USH2A: variants seen among roughly 807,000 people sequenced by gnomAD.
USH2A encodes the protein Usher syndrome 2A (autosomal recessive, mild).
Under a neutral mutation model 538.9 loss-of-function variants are expected in USH2A, and 443 were observed. That is an observed-to-expected ratio of 0.82 (90% confidence interval 0.76 to 0.89). The LOEUF (loss-of-function observed/expected upper bound fraction) is 0.89. Among genes scored for constraint, USH2A ranks in the 40% least tolerant of loss-of-function variants. The pLI is 0.00. For missense variants in USH2A, 6,633 were observed against 6,324.8 expected (o/e 1.05, Z -1.65); for synonymous variants, 2,413 against 2,273.5 (o/e 1.06, Z -1.75).
chr1:216,363,271 C>A (rs919479092), intron 4 of USH2A, among the ~76,000 whole-genome samples: 2 of 152,040 alleles, frequency 1.3e-5, no homozygotes, highest in African/African-American at 4.8e-5. Flanking sequence ...CTAATACATG[C>A]CAGGTGCTTG....
intron 47 of USH2A, among the ~76,000 whole-genome samples, chr1:215,836,541 TAATATATATATATATATATATA>T (rs1571733528): frequency 1.3e-4 from 3 of 23,718 alleles, no homozygotes; most frequent in African/African-American, 3.1e-4. Flanking sequence ...TATATATATA[TAATATATATATATATATATATA>T]TATTTTTTTT....
intron 20 of USH2A, among the ~76,000 whole-genome samples, chr1:216,183,084 T>A (rs570971866): frequency 1.3e-5 from 2 of 152,210 alleles, no homozygotes; most frequent in East Asian, 3.9e-4. Context: ...GCCACTTTCT[T>A]ACCCTGCTAA....
At chr1:216,260,175 G>T (rs2036341315) in intron 11 of USH2A, among the ~76,000 whole-genome samples, 1 of 151,960 alleles carries the variant, frequency 6.6e-6, no homozygotes, top group East Asian at 1.9e-4. Flanking sequence ...GGCCAGCAGA[G>T]AAATCAATAG....
intron 9 of USH2A, among the ~76,000 whole-genome samples, chr1:216,309,265 C>A (rs921931083): frequency 6.6e-6 from 1 of 152,130 alleles, no homozygotes; most frequent in Non-Finnish European, 1.5e-5. Flanking sequence ...TTATACATTT[C>A]TAAATCATTT....
intron 32 of USH2A, among the ~76,000 whole-genome samples, chr1:216,032,667 C>T (rs1183855606): frequency 6.6e-6 from 1 of 152,138 alleles, no homozygotes; most frequent in East Asian, 1.9e-4. Flanking sequence ...TTTTCTCCAG[C>T]TGGAGGCAAA....
chr1:215,640,508 C>T (rs1393817011), intron 68 of USH2A, 50 bp downstream of exon 68: 1 of 1,610,620 alleles, frequency 6.2e-7, no homozygotes, highest in East Asian at 2.2e-5. Context: ...TCCCGTAAAG[C>T]TGGGGAACAG....
At chr1:215,945,432 A>G (rs1414238687) in intron 37 of USH2A, among the ~76,000 whole-genome samples, 2 of 152,154 alleles carry the variant, frequency 1.3e-5, no homozygotes, top group Non-Finnish European at 2.9e-5. Context: ...AAAATAAATA[A>G]TATCTTTGTC....
intron 34 of USH2A, among the ~76,000 whole-genome samples, chr1:215,998,287 A>G (rs1668184436): frequency 6.6e-6 from 1 of 152,130 alleles, no homozygotes; most frequent in Admixed American, 6.5e-5. Flanking sequence ...CCACAGTAAT[A>G]TCAAGGTCTT....
chr1:216,360,470 G>A (rs1410809321), intron 4 of USH2A, among the ~76,000 whole-genome samples: 1 of 152,060 alleles, frequency 6.6e-6, no homozygotes, highest in Non-Finnish European at 1.5e-5. Context: ...TAGGATACTG[G>A]AGTAGTGGAT....
chr1:215,843,432 A>G (rs1316955209), intron 46 of USH2A, among the ~76,000 whole-genome samples: 2 of 152,130 alleles, frequency 1.3e-5, no homozygotes, highest in African/African-American at 4.8e-5. Flanking sequence ...TTCCGTGAAG[A>G]TAAGTTCCTT....
chr1:215,826,308 C>T (rs1663152795), intron 47 of USH2A, among the ~76,000 whole-genome samples: 1 of 152,174 alleles, frequency 6.6e-6, no homozygotes, highest in African/African-American at 2.4e-5. Context: ...GGGCAACACT[C>T]GTGTGAGGGA....
intron 58 of USH2A, among the ~76,000 whole-genome samples, chr1:215,756,577 T>C (rs1660799798): frequency 6.6e-6 from 1 of 152,150 alleles, no homozygotes; most frequent in Non-Finnish European, 1.5e-5. Context: ...CAGCTTCATT[T>C]TATTTTGTGG....
intron 4 of USH2A, among the ~76,000 whole-genome samples, chr1:216,349,119 C>T (rs192709030): frequency 1.0e-3 from 153 of 152,196 alleles, no homozygotes; most frequent in African/African-American, 2.3e-3. Context: ...TATTAATCTT[C>T]CAGGTATCAA....
intron 3 of USH2A, among the ~76,000 whole-genome samples, chr1:216,386,742 C>A (rs1455110068): frequency 6.6e-6 from 1 of 150,770 alleles, no homozygotes; most frequent in Non-Finnish European, 1.5e-5. Flanking sequence ...GTAGTCCCAG[C>A]CACTCGGGAG....
intron 34 of USH2A, among the ~76,000 whole-genome samples, chr1:215,995,724 T>C (rs187527925): frequency 1.3e-5 from 2 of 152,334 alleles, no homozygotes; most frequent in African/African-American, 4.8e-5. Context: ...GTTTTAACCA[T>C]CGCCTATAGC....
At chr1:216,150,639 G>C (rs571827769) in intron 21 of USH2A, among the ~76,000 whole-genome samples, 2 of 152,174 alleles carry the variant, frequency 1.3e-5, no homozygotes, top group East Asian at 3.9e-4. Context: ...TTCTAGACAG[G>C]TTCAGCAAGA....
intron 11 of USH2A, among the ~76,000 whole-genome samples, chr1:216,268,719 C>A (rs1360399381): frequency 6.6e-6 from 1 of 152,076 alleles, no homozygotes; most frequent in Non-Finnish European, 1.5e-5. Context: ...AGGGGTGCTT[C>A]CACCTTATGG....
rs1314533886 is a variant in USH2A, at chr1:215,889,064, A to G, written c.7595-10T>C. Reference sequence around the variant, plus strand: ...ACTACAGGTCCAGGTTCTGTAAAGTAAAATAAATCCAGAAAGTCAGACCTC... The same window carrying G: ...ACTACAGGTCCAGGTTCTGTAAAGTGAAATAAATCCAGAAAGTCAGACCTC... On this transcript the variant is annotated splice_polypyrimidine_tract_variant and intron_variant, in intron 40 of 71. Transcript: ENST00000307340. The G allele has an allele frequency of 1.2e-6, 2 of 1,613,024 alleles. No individual in the cohort carries two copies. The highest frequency in any genetic ancestry group is 4.5e-5 in the East Asian group (2 of 44,828).
chr1:216,108,103 CTTGAG>C (rs1442762876), intron 21 of USH2A, among the ~76,000 whole-genome samples: 2 of 151,722 alleles, frequency 1.3e-5, no homozygotes, highest in Admixed American at 6.6e-5. Flanking sequence ...TTTCCTCACA[CTTGAG>C]TTATTATTGG....
Sources: allele counts gnomAD v4.1 joint callset (sites outside exome capture counted in the v4.1 genomes callset), GRCh38; gene constraint gnomAD v4.1.1; transcripts MANE v1.5; gene names NCBI Gene and HGNC (gene_info 2026-07-23, HGNC 2026-07-21).